Variants in DNAAF11 observed in about 807,000 individuals in gnomAD.
DNAAF11 encodes the protein leucine rich repeat containing 6.
DNAAF11 carries 45 observed loss-of-function variants against 60.8 expected under a neutral mutation model. That is an observed-to-expected ratio of 0.74 (90% CI 0.58 to 0.95). DNAAF11 has a LOEUF of 0.95. Among genes scored for constraint, DNAAF11 ranks in the 40% least tolerant of loss-of-function variants. The pLI, the probability that DNAAF11 is intolerant of heterozygous loss-of-function variation, is 0.00. For missense variants in DNAAF11, 546 were observed against 546.2 expected (o/e 1.00, Z 0.00); for synonymous variants, 191 against 183.5 (o/e 1.04, Z -0.33).
rs114019783 is a variant in DNAAF11, at chr8:132,638,370, A to C, written c.257-263T>G. Among the ~76,000 whole-genome samples the C allele has an allele frequency of 4.7e-3, 721 of 152,232 alleles. 7 individuals are homozygous for C. The highest frequency in any genetic ancestry group is 0.016 in the African/African-American group (681 of 41,534). ...AATCACTTTCCCTGCTCACACTTAC[A>C]AGGCTGGTTAATTTTTCTGATTTGG... On this transcript the variant is annotated intron_variant, in intron 3 of 11. Coordinates refer to ENST00000620350, the MANE Select transcript of DNAAF11 (RefSeq NM_012472.6).
Position 132,674,143 on chromosome 8 carries a change from AG to A in DNAAF11, c.10+1340del, listed in dbSNP as rs1305239324. The stretch of plus-strand genomic sequence containing the variant: ...GAGGAGGAGGAGGAGGAGAAGGAGG[AG>A]GAAGAGGAGGAGGAGAAGGAGAAGG... On this transcript the variant is annotated intron_variant, in intron 1 of 11. Coordinates refer to ENST00000620350, the MANE Select transcript of DNAAF11 (RefSeq NM_012472.6). Among the ~76,000 whole-genome samples the A allele has an allele frequency of 2.2e-4, 29 of 130,110 alleles. 1 individual carries two copies. The highest frequency in any genetic ancestry group is 7.3e-4 in the African/African-American group (26 of 35,622). 85.4% of individuals were successfully genotyped at this position (130,110 alleles called of 152,430 possible).
Position 132,610,204 on chromosome 8 carries a change from A to G in DNAAF11, c.1102T>C (p.Ser368Pro), listed in dbSNP as rs1354028844. 2 of 1,614,062 alleles carry G rather than the reference A, an allele frequency of 1.2e-6. No homozygotes were observed. Among genetic ancestry groups the G allele is most frequent in the Admixed American group, 3.3e-5 (2 of 59,996 alleles). The change falls in exon 10 of 12, where the codon TCT (serine) becomes CCT (proline). Residue 368 changes from serine (S) to proline (P), a missense_variant. By Grantham distance (74) the Ser-to-Pro change is moderately conservative. Coordinates refer to ENST00000620350, the MANE Select transcript of DNAAF11 (RefSeq NM_012472.6). ...VKPDSSSAKR[S>P]QTTGHLVICM... ...ATGACCAAATGACCCGTTGTCTGAG[A>G]TCTTTTAGCAGAACTACTATCGGGT...
At chr8:132,688,597 C>T in the DNAAF11 span, among the ~76,000 whole-genome samples, 5 of 152,160 alleles carry the variant, frequency 3.3e-5, no homozygotes, top group African/African-American at 4.8e-5. Flanking sequence ...ATTGCTAGAA[C>T]TCTTAGGGAC....
chr8:132,616,029 C>T (rs1287303006), intron 7 of DNAAF11, among the ~76,000 whole-genome samples: 1 of 152,046 alleles, frequency 6.6e-6, no homozygotes, highest in African/African-American at 2.4e-5. Context: ...TTTGTAGAAC[C>T]TCATCTCAGG....
intron 7 of DNAAF11, among the ~76,000 whole-genome samples, chr8:132,615,917 G>A (rs966695942): frequency 6.6e-6 from 1 of 152,154 alleles, no homozygotes; most frequent in Non-Finnish European, 1.5e-5. Context: ...GTTAGCGATA[G>A]ATTTGGCTGT....
chr8:132,623,199 G>A (rs967650960), intron 6 of DNAAF11, among the ~76,000 whole-genome samples: 1 of 152,142 alleles, frequency 6.6e-6, no homozygotes, highest in African/African-American at 2.4e-5. Flanking sequence ...TGGAACTGTT[G>A]TGAATGTCCA....
chr8:132,587,432 T>A (rs1019640868), intron 10 of DNAAF11, among the ~76,000 whole-genome samples: 2 of 152,088 alleles, frequency 1.3e-5, no homozygotes, highest in Non-Finnish European at 2.9e-5. Flanking sequence ...AATGCCAACA[T>A]TCATATTAAT....
intron 1 of DNAAF11, among the ~76,000 whole-genome samples, chr8:132,663,885 T>G (rs957794656): frequency 6.6e-6 from 1 of 151,952 alleles, no homozygotes; most frequent in Non-Finnish European, 1.5e-5. Flanking sequence ...GTCAGGGAGG[T>G]GGATGGCATG....
chr8:132,675,165 G>T, intron 1 of DNAAF11: 1 of 364,300 alleles, frequency 2.7e-6, no homozygotes. Flanking sequence ...AACGTGGTGT[G>T]TCTGGCGCCA....
chr8:132,598,558 C>T (rs1333127790), intron 10 of DNAAF11, among the ~76,000 whole-genome samples: 8 of 152,092 alleles, frequency 5.3e-5, no homozygotes, highest in South Asian at 2.1e-4. Context: ...TTTTATTTTT[C>T]TATTCATAAA....
chr8:132,597,370 G>A (rs1222379383), intron 10 of DNAAF11, among the ~76,000 whole-genome samples: 2 of 152,076 alleles, frequency 1.3e-5, no homozygotes, highest in Non-Finnish European at 2.9e-5. Flanking sequence ...GCAACGGGAG[G>A]CCTGTGAGTT....
At position 132,611,318 on chromosome 8, in the gene DNAAF11, G is replaced by C. The variant is rs745624673; in HGVS notation, c.1020C>G (p.Tyr340Ter). ...CCTTTCCTTTGATCATTACTCGCAC[G>C]TAAGTTGGTTGCACATCAACATCGA... ...SLIDVDVQPT[Y>*]VRVMIKGKPF... is the part of the protein sequence containing the mutation. The change falls in exon 9 of 12, where the codon TAC becomes TAG. Residue 340 changes from tyrosine to a stop codon, truncating the protein, a stop_gained. Transcript: ENST00000620350. LOFTEE classifies it high-confidence loss of function. 6.2e-7 allele frequency: 1 copy of C among 1,611,930 alleles called. No individual in the cohort carries two copies. The highest frequency in any genetic ancestry group is 8.5e-7 in the Non-Finnish European group (1 of 1,178,306).
chr8:132,601,656 G>A (rs1431630226), intron 10 of DNAAF11, among the ~76,000 whole-genome samples: 1 of 152,076 alleles, frequency 6.6e-6, no homozygotes, highest in Non-Finnish European at 1.5e-5. Context: ...ATTATTCTCA[G>A]CAAACTATCA....
At position 132,583,716 on chromosome 8, in the gene DNAAF11, T is replaced by C; in HGVS notation, c.1204A>G (p.Ser402Gly). 6.2e-7 allele frequency: 1 copy of C among 1,613,792 alleles called. No homozygotes were observed. Among genetic ancestry groups the C allele is most frequent in the Non-Finnish European group, 8.5e-7 (1 of 1,179,734 alleles). Residue 402 changes from serine to glycine, a missense_variant, in exon 11 of 12, where the codon AGC becomes GGC. Coordinates refer to ENST00000620350, the MANE Select transcript of DNAAF11 (RefSeq NM_012472.6). ...FKSMKTTSDR[S>G]REQTNTRSKH... ...TACCTTGTATTTGTTTGTTCTCTGC[T>C]CCTGTCCGAGGTAGTTTTCATAGAT...
chr8:132,685,899 A>G, the DNAAF11 span, among the ~76,000 whole-genome samples: 1 of 152,146 alleles, frequency 6.6e-6, no homozygotes, highest in African/African-American at 2.4e-5. Flanking sequence ...CATTAATCCA[A>G]TGACCCTTTT....
chr8:132,683,415 A>G, the DNAAF11 span, among the ~76,000 whole-genome samples: 1 of 152,168 alleles, frequency 6.6e-6, no homozygotes, highest in Non-Finnish European at 1.5e-5. Context: ...CACGTCCTCA[A>G]TGTGACCAGA....
intron 8 of DNAAF11, among the ~76,000 whole-genome samples, chr8:132,612,636 C>G (rs181202855): frequency 6.6e-6 from 1 of 152,112 alleles, no homozygotes; most frequent in Admixed American, 6.5e-5. Flanking sequence ...TTGCCCTCCC[C>G]CACAGGGCTC....
intron 10 of DNAAF11, among the ~76,000 whole-genome samples, chr8:132,599,308 G>C (rs1158276322): frequency 6.6e-6 from 1 of 152,156 alleles, no homozygotes; most frequent in Non-Finnish European, 1.5e-5. Context: ...AAAAAGTCCA[G>C]GACCAGAAAG....
In DNAAF11 at chr8:132,650,770, T is replaced by A. The variant is rs76234101; in HGVS notation, c.256+6060A>T. On this transcript the variant is annotated intron_variant, in intron 3 of 11. Coordinates refer to ENST00000620350, the MANE Select transcript of DNAAF11 (RefSeq NM_012472.6). ...TAGGTGGCATTTCTTAAGTTTAATTTAGGAGGCTCCGGAAGACATTTTAAT... is the reference window on the plus strand; with the variant it reads ...TAGGTGGCATTTCTTAAGTTTAATTAAGGAGGCTCCGGAAGACATTTTAAT... Among the ~76,000 whole-genome samples the A allele has an allele frequency of 3.5e-4, 54 of 152,202 alleles. No individual in the cohort carries two copies. In the East Asian group the frequency reaches 9.8e-3, roughly 28 times the overall value.
Sources: gnomAD v4.1 joint callset for allele counts (sites outside exome capture counted in the v4.1 genomes callset) on GRCh38, gnomAD v4.1.1 for gene constraint, MANE v1.5 for transcripts, NCBI Gene and HGNC (gene_info 2026-07-23, HGNC 2026-07-21) for gene names.